Variants in TTN observed in about 807,000 individuals in gnomAD.
TTN encodes connectin.
A neutral mutation model predicts 3,223.0 loss-of-function variants in TTN; 1,525 were observed. That is an observed-to-expected ratio of 0.47 (90% CI 0.45 to 0.49). TTN has a LOEUF of 0.49. Ranked by LOEUF, TTN falls within the 20% of genes least tolerant of loss-of-function variation. The probability of loss-of-function intolerance (pLI) is 0.00; values close to 1 mark genes in which losing one functional copy is unlikely to be tolerated. For missense variants in TTN, 40,786 were observed against 43,424.0 expected (o/e 0.94, Z 5.40); for synonymous variants, 14,094 against 15,161.0 (o/e 0.93, Z 5.17).
intron 1 of TTN, among the ~76,000 whole-genome samples, chr2:178,805,047 A>C (rs1427962481): frequency 6.6e-6 from 1 of 152,200 alleles, no homozygotes; most frequent in Non-Finnish European, 1.5e-5. Flanking sequence ...TGATAAATGT[A>C]AAATAAACCT....
rs376376588 is a variant in TTN at position 178,536,075 on chromosome 2, C to G, written c.100672G>C (p.Ala33558Pro). Residue 33558 changes from alanine (A) to proline (P), a missense_variant, in exon 357 of 363, where the codon GCA becomes CCA. Physicochemically the swap from Ala to Pro is conservative, Grantham distance 27. Transcript: ENST00000589042. ...FKGGYHQLIIASVTDDDATVY... is the reference protein window; with the variant it reads ...FKGGYHQLIIPSVTDDDATVY... ...GTGGCATCATCATCTGTGACACTTG[C>G]AATGATGAGCTGGTGGTAGCCACCC... 3.7e-6 allele frequency: 6 copies of G among 1,607,392 alleles called. No individual in the cohort carries two copies. The highest frequency in any genetic ancestry group is 2.7e-5 in the African/African-American group (2 of 74,764).
At chr2:178,581,830 T>C in intron 315 of TTN, 26 bp from the exon 316 acceptor site, 1 of 1,595,754 alleles carries the variant, frequency 6.3e-7, no homozygotes, top group East Asian at 2.3e-5. Context: ...GATAGGAAAT[T>C]TTCATGAAAA....
intron 52 of TTN, 37 bp downstream of exon 52, chr2:178,734,291 A>C (rs1228073974): frequency 6.6e-7 from 1 of 1,514,622 alleles, no homozygotes; most frequent in East Asian, 2.3e-5. Flanking sequence ...CTAGTTTGAC[A>C]ATTTATTAAA....
Position 178,526,924 on chromosome 2 carries a change from TAAA to T in TTN, c.*85_*87del. On this transcript the variant is annotated 3_prime_UTR_variant, in exon 363 of 363. Coordinates refer to ENST00000589042, the MANE Select transcript of TTN (RefSeq NM_001267550.2). ...TGATACAAAACTACTTTTTTTTCTT[TAAA>T]TATTTACAGTTCAGAAAGATTAGTC... is the stretch of plus-strand genomic sequence containing the variant. 11 of 1,278,840 alleles carry T rather than the reference TAAA, an allele frequency of 8.6e-6. No homozygotes were observed. Among genetic ancestry groups the T allele is most frequent in the African/African-American group, 1.5e-5 (1 of 66,734 alleles). 79.2% of individuals were successfully genotyped at this position (1,278,840 alleles called of 1,614,324 possible).
In TTN at chr2:178,588,207, G is replaced by C; in HGVS notation, c.63200C>G (p.Pro21067Arg). 6.4e-7 allele frequency: 1 copy of C among 1,571,322 alleles called. No individual in the cohort carries two copies. The highest frequency in any genetic ancestry group is 8.7e-7 in the Non-Finnish European group (1 of 1,154,812). Residue 21067 changes from proline (P) to arginine (R), a missense_variant, in exon 305 of 363, where the codon CCA becomes CGA. Coordinates refer to ENST00000589042, the MANE Select transcript of TTN (RefSeq NM_001267550.2). ...ATCAACCACTCTGAAATTGGTTGGT[G>C]GACCAGGTGGCTCTGAAAGTAAAAT... ...VAKDPIEPPGPPTNFRVVDTT... is the reference protein window; with the variant it reads ...VAKDPIEPPGRPTNFRVVDTT...
rs767882877 is a variant in TTN at position 178,642,223 on chromosome 2, G to A, written c.40558+14C>T. 6.4e-7 allele frequency: 1 copy of A among 1,567,074 alleles called. No homozygotes were observed. The highest frequency in any genetic ancestry group is 8.7e-7 in the Non-Finnish European group (1 of 1,154,362). ...TATACTTAACGCTGACAGAATGGTT[G>A]AAAAATACTATACCGCTTTTCAGAA... On this transcript the variant is annotated intron_variant, in intron 219 of 362. Transcript: ENST00000589042.
At chr2:178,715,450 A>G (rs750987483) in intron 89 of TTN, 43 bp downstream of exon 89, 11 of 1,567,558 alleles carry the variant, frequency 7.0e-6, no homozygotes, top group Non-Finnish European at 7.8e-6. Flanking sequence ...ACAATTAAAG[A>G]GGAGGCTAAT....
rs1381214987 is a variant in TTN at position 178,545,847 on chromosome 2, C to G, written c.95389G>C (p.Glu31797Gln). The G allele has an allele frequency of 1.2e-6, 2 of 1,613,756 alleles. No homozygotes were observed. Among genetic ancestry groups the G allele is most frequent in the Non-Finnish European group, 1.7e-6 (2 of 1,179,710 alleles). ...KYGPGVPVES[E>Q]PIVARNSFTI... ...AATGAGTTTCTGGCTACAATTGGCT[C>G]TGATTCAACAGGCACACCAGGGCCA... is the stretch of plus-strand genomic sequence containing the variant. Residue 31797 changes from glutamate to glutamine, a missense_variant, in exon 343 of 363, where the codon GAG becomes CAG. Coordinates refer to ENST00000589042, the MANE Select transcript of TTN (RefSeq NM_001267550.2).
chr2:178,782,913 G>A lies in TTN; in HGVS notation c.2993C>T (p.Ala998Val), dbSNP rs776232888. ...DFQITFQSGIARLMIREAFAE... is the reference protein window; with the variant it reads ...DFQITFQSGIVRLMIREAFAE... ...AAATGCTTCGCGAATCATAAGACGA[G>A]CAATTCCACTCTGGAAGGTTATCTG... The change falls in exon 18 of 363, where the codon GCT becomes GTT. Residue 998 changes from alanine (A) to valine (V), a missense_variant. Physicochemically the swap from Ala to Val is moderately conservative, Grantham distance 64 (BLOSUM62 0). Coordinates refer to ENST00000589042, the MANE Select transcript of TTN (RefSeq NM_001267550.2). The A allele has an allele frequency of 1.2e-6, 2 of 1,614,110 alleles. No homozygotes were observed. Among genetic ancestry groups the A allele is most frequent in the South Asian group, 1.1e-5 (1 of 91,080 alleles).
chr2:178,604,706 A>C lies in TTN; in HGVS notation c.54381+2T>G. On this transcript the variant is annotated splice_donor_variant, in intron 281 of 362. Transcript: ENST00000589042. LOFTEE classifies it high-confidence loss of function. ...TATAAGAAAATATTCAGAAGAGTTT[A>C]CCCCATATCTTTTCTCTACAGCAGT... 1 of 1,599,634 alleles carries C rather than the reference A, an allele frequency of 6.3e-7. No homozygotes were observed. Among genetic ancestry groups the C allele is most frequent in the Non-Finnish European group, 8.5e-7 (1 of 1,173,166 alleles).
intron 6 of TTN, among the ~76,000 whole-genome samples, chr2:178,798,104 C>G (rs1040566240): frequency 1.3e-5 from 2 of 151,970 alleles, no homozygotes; most frequent in African/African-American, 4.8e-5. Context: ...TTTTGTTCCC[C>G]TGGTGTATTT....
In TTN at chr2:178,652,174, C is replaced by T; in HGVS notation, c.39217G>A (p.Glu13073Lys). Residue 13073 changes from glutamate (E) to lysine (K), a missense_variant, in exon 204 of 363, where the codon GAG becomes AAG. Coordinates refer to ENST00000589042, the MANE Select transcript of TTN (RefSeq NM_001267550.2). ...KPEVPPTKVP[E>K]VPKVAVPEKK... is the part of the protein sequence containing the mutation. ...TCTGGGACAGCTACCTTTGGCACCT[C>T]TGGGACTTTAAAAGATATTATTATT... 1 of 1,612,094 alleles carries T rather than the reference C, an allele frequency of 6.2e-7. No individual in the cohort carries two copies. Among genetic ancestry groups the T allele is most frequent in the Non-Finnish European group, 8.5e-7 (1 of 1,179,602 alleles).
chr2:178,712,495 C>G lies in TTN; in HGVS notation c.27427G>C (p.Val9143Leu). Reference protein sequence around the residue: ...GTFTGTPPISVTWKKNGINVT... With the variant: ...GTFTGTPPISLTWKKNGINVT... Reference sequence around the variant, plus strand: ...TTTATGCCATTTTTCTTCCAGGTAACCGAAATGGGAGGAGTTCCAGTGAAT... The same window carrying G: ...TTTATGCCATTTTTCTTCCAGGTAAGCGAAATGGGAGGAGTTCCAGTGAAT... The change falls in exon 95 of 363, where the codon GTT becomes CTT. Residue 9143 changes from valine to leucine, a missense_variant. Transcript: ENST00000589042. The G allele has an allele frequency of 6.2e-7, 1 of 1,613,754 alleles. No homozygotes were observed. The highest frequency in any genetic ancestry group is 1.1e-5 in the South Asian group (1 of 91,080).
chr2:178,748,703 G>A (rs1220514234), intron 47 of TTN: 2 of 1,612,564 alleles, frequency 1.2e-6, no homozygotes, highest in Admixed American at 3.3e-5. Flanking sequence ...TTCATGTTCA[G>A]CTCTTTTAGA....
intron 216 of TTN, 62 bp downstream of exon 216, chr2:178,646,423 A>T: frequency 8.6e-7 from 1 of 1,157,398 alleles, no homozygotes. Context: ...AACAACATAA[A>T]CCATATACAT....
At chr2:178,703,120 C>A (rs970650538) in intron 106 of TTN, among the ~76,000 whole-genome samples, 1 of 152,052 alleles carries the variant, frequency 6.6e-6, no homozygotes, top group East Asian at 1.9e-4. Context: ...TAATTTCAAA[C>A]GCAATCGGAA....
rs1479886031 is a variant in TTN at position 178,530,473 on chromosome 2, C to T, written c.106142G>A (p.Ser35381Asn). ...NLQFMGQAFK[S>N]IHEKVSKISE... ...TATTTTTGATACCTTCTCATGGATA[C>T]TCTTAAAGGCTTGCCCCATAAATTG... The change falls in exon 358 of 363, where the codon AGT becomes AAT. Residue 35381 changes from serine to asparagine, a missense_variant. By Grantham distance (46) the Ser-to-Asn change is conservative (BLOSUM62 1). Coordinates refer to ENST00000589042, the MANE Select transcript of TTN (RefSeq NM_001267550.2). 1 of 1,613,992 alleles carries T rather than the reference C, an allele frequency of 6.2e-7. No homozygotes were observed. Among genetic ancestry groups the T allele is most frequent in the Non-Finnish European group, 8.5e-7 (1 of 1,179,888 alleles).
intron 240 of TTN, among the ~76,000 whole-genome samples, chr2:178,626,450 C>T (rs2059065453): frequency 6.6e-6 from 1 of 151,970 alleles, no homozygotes; most frequent in African/African-American, 2.4e-5. Context: ...TGTGCCCTGT[C>T]ATCCAGACTG....
At position 178,756,760 on chromosome 2, in the gene TTN, T is replaced by C. The variant is rs757587840; in HGVS notation, c.10716A>G (p.Val3572=). ...CTGCCTGGGACTTGGTGGACTCTCT[T>C]ACATCTTTCCCAGAACTTTGCCTAT... ...ALDRQSSGKD[V]RESTKSQAVA... Residue 3572 remains valine (V), a synonymous_variant, in exon 46 of 363, where the codon GTA becomes GTG. Coordinates refer to ENST00000589042, the MANE Select transcript of TTN (RefSeq NM_001267550.2). 1 of 1,613,834 alleles carries C rather than the reference T, an allele frequency of 6.2e-7. No homozygotes were observed. Among genetic ancestry groups the C allele is most frequent in the South Asian group, 1.1e-5 (1 of 91,086 alleles).
Sources: gnomAD v4.1 joint callset for allele counts (sites outside exome capture counted in the v4.1 genomes callset) on GRCh38, gnomAD v4.1.1 for gene constraint, MANE v1.5 for transcripts, NCBI Gene and HGNC (gene_info 2026-07-23, HGNC 2026-07-21) for gene names.